CDC42BPG: variants seen among roughly 807,000 people sequenced by gnomAD.
CDC42BPG encodes serine/threonine-protein kinase MRCK gamma.
Under a neutral mutation model 192.2 loss-of-function variants are expected in CDC42BPG, and 157 were observed. That is an observed-to-expected ratio of 0.82 (90% CI 0.72 to 0.93). CDC42BPG has a LOEUF of 0.93. Among genes scored for constraint, CDC42BPG ranks in the 40% least tolerant of loss-of-function variants. The pLI is 0.00. For synonymous variants in CDC42BPG, 981 were observed against 918.5 expected, an observed-to-expected ratio of 1.07 and a Z score of -1.23; for missense variants, 1,992 against 2,122.1, an observed-to-expected ratio of 0.94 and a Z score of 1.20.
At position 64,827,723 on chromosome 11, in the gene CDC42BPG, C is replaced by T. The variant is rs1942501691; in HGVS notation, c.4028G>A (p.Arg1343Lys). Reference protein sequence around the residue: ...SENSIDVFDVRRAEWVQTVPL... With the variant: ...SENSIDVFDVKRAEWVQTVPL... ...CACGGTCTGCACCCATTCTGCCCTCCTCACGTCAAACACATCGATGGAGTT... is the reference window on the plus strand; with the variant it reads ...CACGGTCTGCACCCATTCTGCCCTCTTCACGTCAAACACATCGATGGAGTT... The change falls in exon 31 of 37, where the codon AGG becomes AAG. Residue 1343 changes from arginine to lysine, a missense_variant. By Grantham distance (26) the Arg-to-Lys change is conservative. Transcript: ENST00000342711. The T allele has an allele frequency of 1.1e-5, 17 of 1,613,376 alleles. No homozygotes were observed. The highest frequency in any genetic ancestry group is 1.3e-5 in the African/African-American group (1 of 74,928).
rs754852611 is a variant in CDC42BPG, at chr11:64,833,668, G to A, written c.2566-9C>T. ...GCTCTGGGGAACACAGCCTGCAGGAGGGCGGGGGAGCAGGTGAGACGGGCA... is the reference window on the plus strand; with the variant it reads ...GCTCTGGGGAACACAGCCTGCAGGAAGGCGGGGGAGCAGGTGAGACGGGCA... On this transcript the variant is annotated splice_polypyrimidine_tract_variant and intron_variant, in intron 22 of 36. Transcript: ENST00000342711. 2 of 1,612,642 alleles carry A rather than the reference G, an allele frequency of 1.2e-6. No homozygotes were observed. Among genetic ancestry groups the A allele is most frequent in the South Asian group, 2.2e-5 (2 of 90,892 alleles).
chr11:64,831,356 C>G (rs1349256943), intron 28 of CDC42BPG, 149 bp downstream of exon 28: 1 of 682,018 alleles, frequency 1.5e-6, no homozygotes, highest in Non-Finnish European at 2.4e-6. Flanking sequence ...GCCATGCACA[C>G]AGGAGGCTGG....
intron 36 of CDC42BPG, among the ~76,000 whole-genome samples, chr11:64,825,329 G>A (rs1454721249): frequency 1.3e-5 from 2 of 152,168 alleles, no homozygotes; most frequent in African/African-American, 2.4e-5. Flanking sequence ...AGTCAACAGA[G>A]GAGAACAGGC....
At position 64,832,923 on chromosome 11, in the gene CDC42BPG, T is replaced by C. The variant is rs754185471; in HGVS notation, c.2768A>G (p.Gln923Arg). The C allele has an allele frequency of 9.7e-6, 15 of 1,543,860 alleles. No individual in the cohort carries two copies. In the South Asian group the frequency reaches 1.3e-4, roughly 14 times the overall value. The change falls in exon 25 of 37, where the codon CAG becomes CGG. Residue 923 changes from glutamine (Q) to arginine (R), a missense_variant. Gln to Arg is a conservative substitution (Grantham distance 43). Coordinates refer to ENST00000342711, the MANE Select transcript of CDC42BPG (RefSeq NM_017525.3). ...AGGGGGCACGGGGCAGGGTGGGGCC[T>C]GTGGGGCACAGGTTGTGTGACAAAA... ...GYFCHTTCAP[Q>R]APPCPVPPDL... is the part of the protein sequence containing the mutation.
intron 10 of CDC42BPG, 45 bp downstream of exon 10, chr11:64,836,877 C>A (rs763536404): frequency 2.4e-5 from 38 of 1,610,414 alleles, no homozygotes; most frequent in Non-Finnish European, 1.7e-6. Flanking sequence ...CAGCAGCAGC[C>A]CCTAGGGCCA....
chr11:64,837,015 T>G lies in CDC42BPG; in HGVS notation c.1210A>C (p.Ser404Arg). 1 of 1,612,916 alleles carries G rather than the reference T, an allele frequency of 6.2e-7. No individual in the cohort carries two copies. Among genetic ancestry groups the G allele is most frequent in the Non-Finnish European group, 8.5e-7 (1 of 1,179,370 alleles). Residue 404 changes from serine to arginine, a missense_variant, in exon 10 of 37, where the codon AGT becomes CGT. By Grantham distance (110) the Ser-to-Arg change is moderately radical. This residue lies in a region of CDC42BPG where 1,656 missense variants were observed against 1,844.3 expected (regional missense o/e 0.90). Coordinates refer to ENST00000342711, the MANE Select transcript of CDC42BPG (RefSeq NM_017525.3). ...CAAGCCTCAGAGCTGCTCTCAGGAC[T>G]GTGACTGTAGGGGGACAGGGGCCAT... ...VGFTYTSGSH[S>R]PESSSEAWAA...
intron 1 of CDC42BPG, among the ~76,000 whole-genome samples, chr11:64,842,698 T>C (rs1291783503): frequency 1.3e-5 from 2 of 152,150 alleles, no homozygotes; most frequent in African/African-American, 2.4e-5. Context: ...ACATCCCAGA[T>C]ACCTCCAGGA....
chr11:64,835,158 G>C lies in CDC42BPG; in HGVS notation c.1954-5C>G. 6.2e-7 allele frequency: 1 copy of C among 1,601,924 alleles called. No homozygotes were observed. The highest frequency in any genetic ancestry group is 8.5e-7 in the Non-Finnish European group (1 of 1,179,804). On this transcript the variant is annotated splice_region_variant and splice_polypyrimidine_tract_variant and intron_variant, in intron 16 of 36. Transcript: ENST00000342711. ...CTGGGCCAGCTCTGCTTCTAGCTGG[G>C]GCCGGCCAGAGGAAAGGTCAGCCCC...
chr11:64,833,535 A>C, intron 23 of CDC42BPG, 65 bp downstream of exon 23: 1 of 1,442,504 alleles, frequency 6.9e-7, no homozygotes, highest in Non-Finnish European at 9.5e-7. Context: ...GTGTCCCCAC[A>C]GTGCCCATTC....
intron 4 of CDC42BPG, 56 bp downstream of exon 4, chr11:64,840,497 G>A (rs1373429372): frequency 2.9e-5 from 46 of 1,564,632 alleles, no homozygotes; most frequent in African/African-American, 4.1e-5. Flanking sequence ...CTGGCCCCAA[G>A]GGCCCTCTCC....
chr11:64,827,739 C>T lies in CDC42BPG; in HGVS notation c.4012G>A (p.Asp1338Asn), dbSNP rs749631755. The change falls in exon 31 of 37, where the codon GAT becomes AAT. Residue 1338 changes from aspartate to asparagine, a missense_variant. Physicochemically the swap from Asp to Asn is conservative, Grantham distance 23 (BLOSUM62 1). This residue lies in a region of CDC42BPG where 1,656 missense variants were observed against 1,844.3 expected (regional missense o/e 0.90). Transcript: ENST00000342711. ...TCTGCCCTCCTCACGTCAAACACAT[C>T]GATGGAGTTCTCGCTGAACACTGTC... ...YLTVFSENSI[D>N]VFDVRRAEWV... 2 of 1,613,154 alleles carry T rather than the reference C, an allele frequency of 1.2e-6. No homozygotes were observed. Among genetic ancestry groups the T allele is most frequent in the Non-Finnish European group, 1.7e-6 (2 of 1,179,516 alleles).
At chr11:64,843,435 T>C (rs971779401) in intron 1 of CDC42BPG, among the ~76,000 whole-genome samples, 1 of 151,974 alleles carries the variant, frequency 6.6e-6, no homozygotes, top group Non-Finnish European at 1.5e-5. Flanking sequence ...TGCCTCGCCC[T>C]GGATGGAAGG....
At position 64,827,378 on chromosome 11, in the gene CDC42BPG, G is replaced by A. The variant is rs745688477; in HGVS notation, c.4171C>T (p.Pro1391Ser). 2 of 1,613,862 alleles carry A rather than the reference G, an allele frequency of 1.2e-6. No individual in the cohort carries two copies. The highest frequency in any genetic ancestry group is 1.1e-5 in the South Asian group (1 of 91,086). The change falls in exon 33 of 37, where the codon CCG becomes TCG. Residue 1391 changes from proline to serine, a missense_variant. This residue lies in a region of CDC42BPG where 336 missense variants were observed against 277.9 expected (regional missense o/e 1.21). Transcript: ENST00000342711. ...CGCCGGCTGTTGTCGGTGAGGTCCG[G>A]GATGTCGAACTCGTCCTTCTCTGTG... ...QLAEKDEFDI[P>S]DLTDNSRRQL... is the part of the protein sequence containing the mutation.
intron 28 of CDC42BPG, among the ~76,000 whole-genome samples, chr11:64,831,231 G>GA (rs11429027): frequency 0.98 from 143,640 of 146,888 alleles, 70,269 homozygotes; most frequent in East Asian, 1. Context: ...AAAAGAAAAA[G>GA]AAAAAAAAAA....
chr11:64,836,899 C>A (rs2136345474), intron 10 of CDC42BPG, 23 bp downstream of exon 10: 1 of 1,611,464 alleles, frequency 6.2e-7, no homozygotes, highest in Non-Finnish European at 8.5e-7. Flanking sequence ...CACACCCAGG[C>A]CCGGCCCAGC....
Position 64,826,476 on chromosome 11 carries a change from T to C in CDC42BPG, c.4593A>G (p.Leu1531=). The change falls in exon 36 of 37, where the codon CTA becomes CTG. Residue 1531 remains leucine (L), a synonymous_variant. Transcript: ENST00000342711. ...GCCTCCCGGACCCGCTCACCTGCATTAGGGAGGTTGCAGGGCTCAGCGATC... is the reference window on the plus strand; with the variant it reads ...GCCTCCCGGACCCGCTCACCTGCATCAGGGAGGTTGCAGGGCTCAGCGATC... ...PQGSLSPATS[L]MQVSERPRSL... The C allele has an allele frequency of 6.3e-7, 1 of 1,596,658 alleles. No homozygotes were observed. The highest frequency in any genetic ancestry group is 8.5e-7 in the Non-Finnish European group (1 of 1,171,022).
At chr11:64,836,718 G>GGGGGGGGGGGGGGGGGA in intron 11 of CDC42BPG, 21 bp downstream of exon 11, 2 of 849,754 alleles carry the variant, frequency 2.4e-6, no homozygotes, top group South Asian at 1.7e-5. Context: ...GGGGGGGGGG[G>GGGGGGGGGGGGGGGGGA]GGGGTGGGCG....
chr11:64,836,719 G>GGGTGGGC lies in CDC42BPG; in HGVS notation c.1384+19_1384+20insGCCCACC. On this transcript the variant is annotated intron_variant, in intron 11 of 36. Coordinates refer to ENST00000342711, the MANE Select transcript of CDC42BPG (RefSeq NM_017525.3). ...GGGACTCAGCCCTGGGGGGGGGGGGGGGGTGGGCGGAAGGGATACCTGGCA... is the reference window on the plus strand; with the variant it reads ...GGGACTCAGCCCTGGGGGGGGGGGGGGGTGGGCGGGTGGGCGGAAGGGATACCTGGCA... 1.2e-6 allele frequency: 1 copy of GGGTGGGC among 842,260 alleles called. No homozygotes were observed. The allele number at this position is 842,260 out of a possible 1,614,324, so 52.2% of individuals were successfully genotyped here.
At chr11:64,837,350 G>C (rs1207399320) in intron 9 of CDC42BPG, among the ~76,000 whole-genome samples, 1 of 152,212 alleles carries the variant, frequency 6.6e-6, no homozygotes, top group East Asian at 1.9e-4. Flanking sequence ...GGTGACAGTG[G>C]CCCGGCTGGT....
Sources: allele counts gnomAD v4.1 joint callset (sites outside exome capture counted in the v4.1 genomes callset), GRCh38; gene constraint gnomAD v4.1.1; regional missense constraint gnomAD v4.1.1; transcripts MANE v1.5; gene names NCBI Gene and HGNC (gene_info 2026-07-23, HGNC 2026-07-21).